Variants in VAV1 observed in about 807,000 individuals in gnomAD.
VAV1 encodes the protein vav guanine nucleotide exchange factor 1, also known as proto-oncogene vav.
In VAV1, 33 loss-of-function variants were observed where a neutral mutation model predicts 128.1. That is an observed-to-expected ratio of 0.26 (90% CI 0.20 to 0.34). The LOEUF is 0.34. Among genes scored for constraint, VAV1 ranks in the 10% least tolerant of loss-of-function variants. The pLI, the probability that VAV1 is intolerant of heterozygous loss-of-function variation, is 1.00. For missense variants in VAV1, 715 were observed against 1,093.7 expected, an observed-to-expected ratio of 0.65 and a Z score of 4.88; for synonymous variants, 394 against 409.8, an observed-to-expected ratio of 0.96 and a Z score of 0.47.
Position 6,838,351 on chromosome 19 carries a change from G to A in VAV1, c.1980+1301G>A, listed in dbSNP as rs561132911. Among the ~76,000 whole-genome samples the A allele has an allele frequency of 5.4e-5, 8 of 147,398 alleles. No homozygotes were observed. The South Asian group carries it at 1.3e-3, about 24-fold the overall frequency. On this transcript the variant is annotated intron_variant, in intron 21 of 26. Transcript: ENST00000602142. Reference sequence around the variant, plus strand: ...TCTATCTATATGTCTATCTATCCATGTACCTACCCATCAATCCATCCATTC... The same window carrying A: ...TCTATCTATATGTCTATCTATCCATATACCTACCCATCAATCCATCCATTC...
At chr19:6,832,561 C>CCTCTTCCT (rs1972093736) in intron 15 of VAV1, among the ~76,000 whole-genome samples, 2 of 107,552 alleles carry the variant, frequency 1.9e-5, no homozygotes, top group Non-Finnish European at 3.6e-5. Context: ...CTCCTCCTCT[C>CCTCTTCCT]CTTCCTCCCC....
At chr19:6,778,744 A>AAAC (rs1007801373) in intron 1 of VAV1, among the ~76,000 whole-genome samples, 3 of 151,892 alleles carry the variant, frequency 2.0e-5, no homozygotes, top group East Asian at 1.9e-4. Flanking sequence ...AAACAAAACA[A>AAAC]AACAAAACCC....
At chr19:6,774,498 G>T (rs1368472962) in intron 1 of VAV1, among the ~76,000 whole-genome samples, 1 of 129,132 alleles carries the variant, frequency 7.7e-6, no homozygotes, top group Non-Finnish European at 1.6e-5. Context: ...GCAGTGGTGC[G>T]ATCTCAGCTC....
chr19:6,844,083 T>C (rs1312543120), intron 22 of VAV1, among the ~76,000 whole-genome samples: 2 of 112,892 alleles, frequency 1.8e-5, no homozygotes, highest in African/African-American at 8.1e-5. Flanking sequence ...TTTTTTTTTT[T>C]TTTTTTTTTT....
intron 1 of VAV1, 80 bp downstream of exon 1, chr19:6,773,091 C>A: frequency 1.3e-6 from 2 of 1,546,326 alleles, no homozygotes; most frequent in Non-Finnish European, 1.8e-6. Context: ...GGCTGACGTG[C>A]TGCTCCACCT....
intron 1 of VAV1, among the ~76,000 whole-genome samples, chr19:6,814,673 T>TTCCTTCCTTCCTTCC (rs1568299203): frequency 1.1e-5 from 1 of 93,006 alleles, no homozygotes; most frequent in African/African-American, 5.5e-5. Context: ...CCTTCCTTCC[T>TTCCTTCCTTCCTTCC]TTCTTTCTTT....
chr19:6,829,015 C>A, intron 13 of VAV1, 115 bp downstream of exon 13: 2 of 1,162,808 alleles, frequency 1.7e-6, no homozygotes, highest in East Asian at 2.6e-5. Context: ...TGGGCAGGGG[C>A]GGGGCCGGGC....
At chr19:6,814,637 C>CTCTTTCCTTCCTTCCT (rs1971581940) in intron 1 of VAV1, among the ~76,000 whole-genome samples, 1 of 82,034 alleles carries the variant, frequency 1.2e-5, no homozygotes, top group African/African-American at 6.5e-5. Flanking sequence ...TTTTCTTTCT[C>CTCTTTCCTTCCTTCCT]TCCTTCCTTC....
At chr19:6,830,047 T>C in intron 14 of VAV1, 129 bp downstream of exon 14, 1 of 1,434,484 alleles carries the variant, frequency 7.0e-7, no homozygotes, top group South Asian at 1.3e-5. Context: ...TCAACAGGTG[T>C]TTTTTGTTTG....
rs55890031 is a variant in VAV1, at chr19:6,836,709, C to A, written c.1914+141C>A. On this transcript the variant is annotated intron_variant, in intron 20 of 26. Transcript: ENST00000602142. ...GAGTGGGGTAGGTAGACTGAGACTT[C>A]TGGGCATGGCTTTTCTGAGCGGGCC... The A allele has an allele frequency of 1.4e-5, 19 of 1,354,190 alleles. No homozygotes were observed. In the East Asian group the frequency reaches 4.4e-4, roughly 32 times the overall value. 83.9% of individuals were successfully genotyped at this position (1,354,190 alleles called of 1,614,324 possible).
chr19:6,830,143 C>T lies in VAV1; in HGVS notation c.1398+225C>T, dbSNP rs778250359. On this transcript the variant is annotated intron_variant, in intron 14 of 26. Coordinates refer to ENST00000602142, the MANE Select transcript of VAV1 (RefSeq NM_005428.4). ...GCACAATCTCGGCTCACCGCAACCT[C>T]CGCCTCCTGGGTTCAAGCGATTCTC... Among the ~76,000 whole-genome samples the T allele has an allele frequency of 2.2e-3, 342 of 152,330 alleles. 7 individuals are homozygous for T. Among genetic ancestry groups the T allele is most frequent in the Non-Finnish European group, 3.8e-4 (26 of 68,026 alleles).
chr19:6,812,607 C>A (rs748383031), intron 1 of VAV1, among the ~76,000 whole-genome samples: 1 of 152,056 alleles, frequency 6.6e-6, no homozygotes, highest in Non-Finnish European at 1.5e-5. Flanking sequence ...GCCAAGATCA[C>A]GCCACTGCAC....
intron 22 of VAV1, among the ~76,000 whole-genome samples, chr19:6,846,181 A>T (rs1972517000): frequency 6.6e-6 from 1 of 150,750 alleles, no homozygotes. Flanking sequence ...ATGTATAATT[A>T]TGTATTACAC....
intron 2 of VAV1, among the ~76,000 whole-genome samples, chr19:6,821,127 C>T (rs1365908889): frequency 1.3e-5 from 2 of 152,124 alleles, no homozygotes; most frequent in Non-Finnish European, 2.9e-5. Context: ...GAGGGCCGGG[C>T]GCAGTGGCTC....
At chr19:6,785,662 T>TTTCTTTC (rs370554352) in intron 1 of VAV1, among the ~76,000 whole-genome samples, 35 of 116,850 alleles carry the variant, frequency 3.0e-4, no homozygotes, top group South Asian at 1.1e-3. Flanking sequence ...TCTTTCTTTC[T>TTTCTTTC]TTTTTTTTTT....
rs377527253 is a variant in VAV1, at chr19:6,839,769, G to T, written c.1980+2719G>T. Among the ~76,000 whole-genome samples, 4 of 152,056 alleles carry T rather than the reference G, an allele frequency of 2.6e-5. No individual in the cohort carries two copies. In the South Asian group the frequency reaches 8.3e-4, roughly 32 times the overall value. On this transcript the variant is annotated intron_variant, in intron 21 of 26. Coordinates refer to ENST00000602142, the MANE Select transcript of VAV1 (RefSeq NM_005428.4). ...TGCAATGGTGCAATCTTGGCCCACC[G>T]CAGCCTCGCCTCCCAGGCTCAGGTG...
chr19:6,838,136 C>T (rs866249716), intron 21 of VAV1, among the ~76,000 whole-genome samples: 3 of 81,690 alleles, frequency 3.7e-5, no homozygotes, highest in Non-Finnish European at 9.1e-5. Flanking sequence ...TCTATCTATC[C>T]ATGCATCCAT....
chr19:6,822,219 A>G lies in VAV1; in HGVS notation c.450-2A>G. The G allele has an allele frequency of 6.3e-7, 1 of 1,575,142 alleles. No individual in the cohort carries two copies. Among genetic ancestry groups the G allele is most frequent in the Non-Finnish European group, 8.6e-7 (1 of 1,160,936 alleles). On this transcript the variant is annotated splice_acceptor_variant, in intron 4 of 26. Transcript: ENST00000602142. LOFTEE classifies it high-confidence loss of function. This position sits in a 1 kb window ranked among gnomAD's most constrained non-coding sequence, Gnocchi z 5.9. ...AGGGATCCCTGACCTCACAACCCAC[A>G]GCGACACGGTGGAGGAGGATGAGGA...
At chr19:6,807,589 G>C (rs1372451716) in intron 1 of VAV1, among the ~76,000 whole-genome samples, 1 of 152,094 alleles carries the variant, frequency 6.6e-6, no homozygotes, top group Non-Finnish European at 1.5e-5. Context: ...CAGGAGGCTT[G>C]TACTGGGAGC....
Sources: gnomAD v4.1 joint callset for allele counts (sites outside exome capture counted in the v4.1 genomes callset) on GRCh38, gnomAD v4.1.1 for gene constraint, Gnocchi (gnomAD v3.1) non-coding constraint, MANE v1.5 for transcripts, NCBI Gene and HGNC (gene_info 2026-07-23, HGNC 2026-07-21) for gene names.